Variants in MPZL1 observed in about 807,000 individuals in gnomAD.
MPZL1 encodes myelin protein zero-like protein 1.
Under a neutral mutation model 29.3 loss-of-function variants are expected in MPZL1, and 16 were observed. That is an observed-to-expected ratio of 0.55 (90% CI 0.37 to 0.83). MPZL1 has a LOEUF of 0.83. MPZL1 is among the 40% of genes least tolerant of loss of function. MPZL1 has a pLI of 0.00. For synonymous variants in MPZL1, 143 were observed against 132.0 expected (o/e 1.08, Z -0.57); for missense variants, 279 against 332.9 (o/e 0.84, Z 1.26).
intron 5 of MPZL1, among the ~76,000 whole-genome samples, chr1:167,781,940 A>G (rs1328732187): frequency 6.6e-6 from 1 of 152,060 alleles, no homozygotes; most frequent in Non-Finnish European, 1.5e-5. Flanking sequence ...TTCTAGTCAC[A>G]ATCTCTTTGA....
chr1:167,768,941 C>A (rs1196952130), intron 2 of MPZL1, among the ~76,000 whole-genome samples: 1 of 152,148 alleles, frequency 6.6e-6, no homozygotes, highest in Non-Finnish European at 1.5e-5. Flanking sequence ...GTTTATGGTT[C>A]ATTTTCTAGT....
chr1:167,745,652 C>A (rs1405707943), intron 1 of MPZL1, among the ~76,000 whole-genome samples: 1 of 151,856 alleles, frequency 6.6e-6, no homozygotes, highest in Non-Finnish European at 1.5e-5. Context: ...AATAAATGGG[C>A]ACTCTTATTT....
intron 1 of MPZL1, among the ~76,000 whole-genome samples, chr1:167,745,945 G>T (rs1660637798): frequency 2.0e-5 from 3 of 151,972 alleles, no homozygotes; most frequent in Admixed American, 2.0e-4. Context: ...TACAATTGTT[G>T]GCGAGTCATA....
At chr1:167,786,556 G>C (rs115760163) in intron 5 of MPZL1, among the ~76,000 whole-genome samples, 1 of 152,202 alleles carries the variant, frequency 6.6e-6, no homozygotes, top group South Asian at 2.1e-4. Flanking sequence ...CTGCAGATCT[G>C]CCAACATTCA....
rs556788437 is a variant in MPZL1 at position 167,734,072 on chromosome 1, T to C, written c.91+11830T>C. On this transcript the variant is annotated intron_variant, in intron 1 of 5. Transcript: ENST00000359523. ...GAGATCAAGACCATCCTGGCTTACA[T>C]GGTGAAACCCCGTCTCTACTAAAAA... Among the ~76,000 whole-genome samples the C allele has an allele frequency of 5.9e-4, 90 of 152,090 alleles. No individual in the cohort carries two copies. The East Asian group carries it at 0.016, about 27-fold the overall frequency.
intron 1 of MPZL1, 32 bp downstream of exon 1, chr1:167,722,274 G>A: frequency 8.1e-7 from 1 of 1,235,520 alleles, no homozygotes; most frequent in Non-Finnish European, 1.0e-6. Context: ...GCTGGGGCCG[G>A]GGAGTGGGGC....
intron 5 of MPZL1, among the ~76,000 whole-genome samples, chr1:167,786,658 T>C (rs3738231): frequency 0.75 from 114,638 of 152,182 alleles, 43,767 homozygotes; most frequent in African/African-American, 0.87. Context: ...CTTCTGTAGA[T>C]GTGGGAGTAG....
At chr1:167,785,155 G>C (rs1021375262) in intron 5 of MPZL1, among the ~76,000 whole-genome samples, 1 of 152,236 alleles carries the variant, frequency 6.6e-6, no homozygotes, top group Non-Finnish European at 1.5e-5. Context: ...TGGTCGAGCA[G>C]ATTCTGGTCT....
intron 1 of MPZL1, among the ~76,000 whole-genome samples, chr1:167,732,946 T>G (rs1025339432): frequency 2.0e-5 from 3 of 152,246 alleles, no homozygotes; most frequent in African/African-American, 7.2e-5. Context: ...TTGAAACTCC[T>G]TTAGAAATTT....
At chr1:167,778,884 A>G (rs1247424547) in intron 5 of MPZL1, among the ~76,000 whole-genome samples, 5 of 152,174 alleles carry the variant, frequency 3.3e-5, no homozygotes, top group African/African-American at 1.2e-4. Context: ...ACTATCCAAA[A>G]TGAAGCTCAA....
rs535982452 is a variant in MPZL1, at chr1:167,785,519, C to T, written c.709-2301C>T. 2.0e-4 allele frequency among the ~76,000 whole-genome samples: 31 copies of T among 152,266 alleles called. No individual in the cohort carries two copies. The South Asian group carries it at 6.0e-3, about 30-fold the overall frequency. Reference sequence around the variant, plus strand: ...ATTCAAGGGGTAGAGAAACAGATTTCTACTCTTGATTGGAAGGACCTACAG... The same window carrying T: ...ATTCAAGGGGTAGAGAAACAGATTTTTACTCTTGATTGGAAGGACCTACAG... On this transcript the variant is annotated intron_variant, in intron 5 of 5. Coordinates refer to ENST00000359523, the MANE Select transcript of MPZL1 (RefSeq NM_003953.6).
chr1:167,733,230 T>C (rs1010597628), intron 1 of MPZL1, among the ~76,000 whole-genome samples: 2 of 152,236 alleles, frequency 1.3e-5, no homozygotes, highest in African/African-American at 2.4e-5. Context: ...GACTCTGCTG[T>C]CCATCATGGT....
At chr1:167,730,520 C>A (rs538874166) in intron 1 of MPZL1, among the ~76,000 whole-genome samples, 2 of 152,280 alleles carry the variant, frequency 1.3e-5, no homozygotes, top group East Asian at 3.9e-4. Flanking sequence ...TTCAGGTGAT[C>A]CGCCTGCCAC....
Position 167,759,563 on chromosome 1 carries a change from G to C in MPZL1, c.92-6020G>C, listed in dbSNP as rs554212897. Among the ~76,000 whole-genome samples, 161 of 152,334 alleles carry C rather than the reference G, an allele frequency of 1.1e-3. 5 individuals carry two copies. The South Asian group carries it at 0.031, about 30-fold the overall frequency. On this transcript the variant is annotated intron_variant, in intron 1 of 5. Transcript: ENST00000359523. Reference sequence around the variant, plus strand: ...CAAGATGCCATTCGTGCTCACCGTAGTTGGTCAGAAACTGCGGCTCTGTGC... The same window carrying C: ...CAAGATGCCATTCGTGCTCACCGTACTTGGTCAGAAACTGCGGCTCTGTGC...
intron 5 of MPZL1, among the ~76,000 whole-genome samples, chr1:167,785,816 G>A (rs1008770439): frequency 9.2e-5 from 14 of 151,660 alleles, no homozygotes; most frequent in Admixed American, 2.0e-4. Context: ...TTTTTGAGAC[G>A]GAGTCTCGCT....
At chr1:167,722,846 G>A (rs1276974408) in intron 1 of MPZL1, among the ~76,000 whole-genome samples, 1 of 152,174 alleles carries the variant, frequency 6.6e-6, no homozygotes, top group Non-Finnish European at 1.5e-5. Flanking sequence ...TTCTAGGTTA[G>A]AATGCAAAGA....
At chr1:167,762,256 A>C (rs978077710) in intron 1 of MPZL1, among the ~76,000 whole-genome samples, 13 of 152,186 alleles carry the variant, frequency 8.5e-5, no homozygotes, top group African/African-American at 3.1e-4. Context: ...GTTTCCCACA[A>C]CAAAGGATTG....
At chr1:167,758,125 G>T (rs185204613) in intron 1 of MPZL1, among the ~76,000 whole-genome samples, 41 of 151,078 alleles carry the variant, frequency 2.7e-4, no homozygotes, top group Admixed American at 2.3e-3. Context: ...CTGCACTCCA[G>T]CCTGGGCAAC....
chr1:167,751,026 A>G (rs1379072815), intron 1 of MPZL1, among the ~76,000 whole-genome samples: 8 of 152,260 alleles, frequency 5.3e-5, no homozygotes, highest in Non-Finnish European at 8.8e-5. Context: ...TGTTCTTCTC[A>G]GTACCTGATC....
Sources: gnomAD v4.1 joint callset for allele counts (sites outside exome capture counted in the v4.1 genomes callset) on GRCh38, gnomAD v4.1.1 for gene constraint, MANE v1.5 for transcripts, NCBI Gene and HGNC (gene_info 2026-07-23, HGNC 2026-07-21) for gene names.